PTPRN2: variants seen among roughly 807,000 people sequenced by gnomAD.
PTPRN2 encodes the protein receptor-type tyrosine-protein phosphatase N2.
In PTPRN2, 74 loss-of-function variants were observed where a neutral mutation model predicts 118.8. The observed-to-expected ratio is 0.62, with a 90% confidence interval of 0.52 to 0.76. PTPRN2 has a LOEUF of 0.76. Among genes scored for constraint, PTPRN2 ranks in the 30% least tolerant of loss-of-function variants. The pLI, the probability that PTPRN2 is intolerant of heterozygous loss-of-function variation, is 0.00. For missense variants in PTPRN2, 1,481 were observed against 1,394.4 expected (o/e 1.06, Z -0.99); for synonymous variants, 641 against 608.0 (o/e 1.05, Z -0.80).
intron 11 of PTPRN2, among the ~76,000 whole-genome samples, chr7:158,062,007 T>C (rs1387529496): frequency 6.6e-6 from 1 of 152,252 alleles, no homozygotes; most frequent in African/African-American, 2.4e-5. Flanking sequence ...AGCACGGCCA[T>C]GGTCCTGCTG....
chr7:158,446,572 G>A (rs1252954664), intron 2 of PTPRN2, among the ~76,000 whole-genome samples: 1 of 152,210 alleles, frequency 6.6e-6, no homozygotes, highest in African/African-American at 2.4e-5. Flanking sequence ...CCCCCGGCGG[G>A]CAGACCCCAC....
intron 3 of PTPRN2, among the ~76,000 whole-genome samples, chr7:158,310,096 G>A (rs564562530): frequency 9.2e-5 from 14 of 152,232 alleles, no homozygotes; most frequent in African/African-American, 1.4e-4. Context: ...AGCCACCCAC[G>A]CCATGTGATT....
chr7:158,103,462 CT>C (rs945956466), intron 10 of PTPRN2, among the ~76,000 whole-genome samples: 1 of 152,234 alleles, frequency 6.6e-6, no homozygotes, highest in Non-Finnish European at 1.5e-5. Context: ...ACTTTCTGGA[CT>C]AACGTGGCTG....
At chr7:157,567,459 G>A (rs557525874) in intron 21 of PTPRN2, among the ~76,000 whole-genome samples, 1 of 152,188 alleles carries the variant, frequency 6.6e-6, no homozygotes, top group African/African-American at 2.4e-5. Flanking sequence ...GCTGCAGGAC[G>A]CTGGAGAACT....
chr7:158,468,535 G>C (rs1472779099), intron 2 of PTPRN2, among the ~76,000 whole-genome samples: 1 of 151,912 alleles, frequency 6.6e-6, no homozygotes, highest in African/African-American at 2.4e-5. Flanking sequence ...GTTTATGTCT[G>C]GGCATCACTA....
At chr7:157,950,192 ATC>A (rs1800718954) in intron 11 of PTPRN2, among the ~76,000 whole-genome samples, 2 of 152,358 alleles carry the variant, frequency 1.3e-5, no homozygotes, top group South Asian at 4.1e-4. Context: ...GTGCATGTTA[ATC>A]TTCCTGTGAG....
intron 11 of PTPRN2, among the ~76,000 whole-genome samples, chr7:157,999,071 C>T (rs12672345): frequency 0.46 from 69,513 of 151,506 alleles, 16,643 homozygotes; most frequent in East Asian, 0.82. Context: ...CGTAGGGGTC[C>T]GCCCTGGCCC....
chr7:158,008,253 T>C (rs1244746533), intron 11 of PTPRN2, among the ~76,000 whole-genome samples: 2 of 152,134 alleles, frequency 1.3e-5, no homozygotes, highest in African/African-American at 4.8e-5. Flanking sequence ...GATCCATGAA[T>C]CAATGATTAC....
intron 11 of PTPRN2, among the ~76,000 whole-genome samples, chr7:157,960,259 T>C (rs1801440248): frequency 6.6e-6 from 1 of 152,198 alleles, no homozygotes; most frequent in African/African-American, 2.4e-5. Context: ...ATGGTGGAGA[T>C]GGTTGCATGA....
intron 12 of PTPRN2, chr7:157,857,707 C>G (rs1465813150): frequency 6.6e-6 from 1 of 152,320 alleles, no homozygotes; most frequent in East Asian, 1.9e-4. Flanking sequence ...GGAGCCTTCC[C>G]TGACGCGCCA....
At chr7:158,294,758 C>T (rs112538048) in intron 3 of PTPRN2, among the ~76,000 whole-genome samples, 130 of 152,354 alleles carry the variant, frequency 8.5e-4, no homozygotes, top group African/African-American at 2.9e-3. Flanking sequence ...TCTATTTCCA[C>T]GCTCATGGTT....
chr7:158,258,633 T>A (rs1797185402), intron 3 of PTPRN2, among the ~76,000 whole-genome samples: 1 of 152,134 alleles, frequency 6.6e-6, no homozygotes, highest in Non-Finnish European at 1.5e-5. Flanking sequence ...TTGGGGGAGA[T>A]TTCAGAGGTT....
At chr7:158,189,793 T>A (rs1348620725) in intron 5 of PTPRN2, among the ~76,000 whole-genome samples, 1 of 152,146 alleles carries the variant, frequency 6.6e-6, no homozygotes, top group Non-Finnish European at 1.5e-5. Context: ...CCAGCAGCAG[T>A]GGAGGCAGAG....
At chr7:157,783,749 G>C (rs537781534) in intron 12 of PTPRN2, among the ~76,000 whole-genome samples, 5 of 151,856 alleles carry the variant, frequency 3.3e-5, no homozygotes, top group African/African-American at 4.8e-5. Flanking sequence ...CACTTACTCG[G>C]AACAGGGACT....
chr7:157,596,848 T>A lies in PTPRN2; in HGVS notation c.2419-1533A>T, dbSNP rs1164773183. On this transcript the variant is annotated intron_variant, in intron 16 of 22. Coordinates refer to ENST00000389418, the MANE Select transcript of PTPRN2 (RefSeq NM_002847.5). The surrounding 1 kb of genome is among the most constrained non-coding windows in gnomAD (Gnocchi z 4.2). ...ATTCGAGATTTACAATGTTCAGATT[T>A]CAAGGTAATTATTAAGAAAACATTT... 1.3e-5 allele frequency among the ~76,000 whole-genome samples: 2 copies of A among 152,246 alleles called. No homozygotes were observed. Among genetic ancestry groups the A allele is most frequent in the Non-Finnish European group, 2.9e-5 (2 of 68,046 alleles).
At chr7:157,776,243 T>C (rs1198380347) in intron 12 of PTPRN2, among the ~76,000 whole-genome samples, 19 of 38,444 alleles carry the variant, frequency 4.9e-4, no homozygotes, top group South Asian at 2.4e-3. Context: ...TCTTCCTCCC[T>C]CCTCTCCCTC....
At chr7:157,742,032 G>T (rs1252605085) in intron 12 of PTPRN2, among the ~76,000 whole-genome samples, 1 of 152,186 alleles carries the variant, frequency 6.6e-6, no homozygotes, top group African/African-American at 2.4e-5. Flanking sequence ...GGATGGTCTG[G>T]CCCTGTGTTG....
chr7:157,584,110 G>A (rs1800534914), intron 17 of PTPRN2, among the ~76,000 whole-genome samples: 1 of 152,128 alleles, frequency 6.6e-6, no homozygotes, highest in South Asian at 2.1e-4. Flanking sequence ...GGACCAGCCT[G>A]GGCAACATAG....
chr7:158,095,758 T>G (rs1814579670), intron 10 of PTPRN2, among the ~76,000 whole-genome samples: 1 of 152,224 alleles, frequency 6.6e-6, no homozygotes, highest in Non-Finnish European at 1.5e-5. Flanking sequence ...GTTCTGGTTT[T>G]GCAGAGACGA....
Sources: allele counts gnomAD v4.1 joint callset (sites outside exome capture counted in the v4.1 genomes callset), GRCh38; gene constraint gnomAD v4.1.1; non-coding constraint Gnocchi (gnomAD v3.1); transcripts MANE v1.5; gene names NCBI Gene and HGNC (gene_info 2026-07-23, HGNC 2026-07-21).